IFNA10: variants seen among roughly 807,000 people sequenced by gnomAD.
IFNA10 encodes the protein interferon alpha 10.
For synonymous variants in IFNA10, 96 were observed against 83.7 expected, an observed-to-expected ratio of 1.15 and a Z score of -0.80; for missense variants, 246 against 213.0, an observed-to-expected ratio of 1.15 and a Z score of -0.96.
Position 21,206,653 on chromosome 9 carries a change from T to C in IFNA10, c.445A>G (p.Arg149Gly), listed in dbSNP as rs1005302711. 9 of 1,613,858 alleles carry C rather than the reference T, an allele frequency of 5.6e-6. No homozygotes were observed. Among genetic ancestry groups the C allele is most frequent in the Admixed American group, 1.7e-5 (1 of 59,976 alleles). ...SILAVRKYFQ[R>G]ITLYLIERKY... ...CTCTCTATTAGATAAAGAGTGATTC[T>C]TTGGAAGTATTTCCTCACAGCCAGG... is the stretch of plus-strand genomic sequence containing the variant. Residue 149 changes from arginine to glycine, a missense_variant, in exon 1 of 1, where the codon AGA becomes GGA. By Grantham distance (125) the Arg-to-Gly change is moderately radical. Coordinates refer to ENST00000357374, the MANE Select transcript of IFNA10 (RefSeq NM_002171.2).
At position 21,206,336 on chromosome 9, in the gene IFNA10, T is replaced by A. The variant is rs376010333; in HGVS notation, c.*192A>T. On this transcript the variant is annotated 3_prime_UTR_variant, in exon 1 of 1. Coordinates refer to ENST00000357374, the MANE Select transcript of IFNA10 (RefSeq NM_002171.2). ...TTTAAACAAAAGATGAACAGAGACA[T>A]CAGAATGGTCATCTGTAAAGGACTA... 41 of 672,004 alleles carry A rather than the reference T, an allele frequency of 6.1e-5. No individual in the cohort carries two copies. Among genetic ancestry groups the A allele is most frequent in the Non-Finnish European group, 1.9e-5 (8 of 429,400 alleles). The allele number at this position is 672,004 out of a possible 1,614,324, so 41.6% of individuals were successfully genotyped here. A position where few individuals can be genotyped will look rare whatever the true frequency, so the allele number is the denominator to read the frequency against.
Position 21,207,005 on chromosome 9 carries a change from G to T in IFNA10, c.93C>A (p.Ser31Arg), listed in dbSNP as rs769868063. 4 of 1,613,272 alleles carry T rather than the reference G, an allele frequency of 2.5e-6. No individual in the cohort carries two copies. Among genetic ancestry groups the T allele is most frequent in the South Asian group, 1.1e-5 (1 of 91,054 alleles). ...SLGCDLPQTHSLGNRRALILL... is the reference protein window; with the variant it reads ...SLGCDLPQTHRLGNRRALILL... ...GTATCAAGGCCCTCCTATTACCCAG[G>T]CTGTGGGTCTGAGGCAGATCACAGC... Residue 31 changes from serine (S) to arginine (R), a missense_variant, in exon 1 of 1, where the codon AGC becomes AGA. Coordinates refer to ENST00000357374, the MANE Select transcript of IFNA10 (RefSeq NM_002171.2).
rs574441125 is a variant in IFNA10, at chr9:21,206,377, T to A, written c.*151A>T. ...TAAAGGACTAGTGCCTGCACAGGTA[T>A]ACACGACACTTCTTTACACTGCTGA... On this transcript the variant is annotated 3_prime_UTR_variant, in exon 1 of 1. Transcript: ENST00000357374. 1.6e-6 allele frequency: 2 copies of A among 1,260,330 alleles called. No homozygotes were observed. Among genetic ancestry groups the A allele is most frequent in the East Asian group, 4.8e-5 (2 of 41,992 alleles). 78.1% of individuals were successfully genotyped at this position (1,260,330 alleles called of 1,614,324 possible).
In IFNA10 at chr9:21,206,700, G is replaced by T. The variant is rs369916950; in HGVS notation, c.398C>A (p.Pro133His). The change falls in exon 1 of 1, where the codon CCC (proline) becomes CAC (histidine). Residue 133 changes from proline (P) to histidine (H), a missense_variant. By Grantham distance (77) the Pro-to-His change is moderately conservative. Coordinates refer to ENST00000357374, the MANE Select transcript of IFNA10 (RefSeq NM_002171.2). ...VIQEVGVEET[P>H]LMNEDSILAV... ...CAGGATGGAGTCCTCATTCATCAGGGGAGTCTCTTCCACCCCAACCTCCTG... is the reference window on the plus strand; with the variant it reads ...CAGGATGGAGTCCTCATTCATCAGGTGAGTCTCTTCCACCCCAACCTCCTG... The T allele has an allele frequency of 1.6e-4, 265 of 1,613,558 alleles. No individual in the cohort carries two copies. The highest frequency in any genetic ancestry group is 2.1e-4 in the Non-Finnish European group (252 of 1,179,978).
chr9:21,206,670 A>T lies in IFNA10; in HGVS notation c.428T>A (p.Val143Glu), dbSNP rs1563811892. The T allele has an allele frequency of 6.2e-7, 1 of 1,613,896 alleles. No individual in the cohort carries two copies. Among genetic ancestry groups the T allele is most frequent in the East Asian group, 2.2e-5 (1 of 44,872 alleles). Residue 143 changes from valine (V) to glutamate (E), a missense_variant, in exon 1 of 1, where the codon GTG (valine) becomes GAG (glutamate). Transcript: ENST00000357374. The stretch of plus-strand genomic sequence containing the variant: ...AGTGATTCTTTGGAAGTATTTCCTC[A>T]CAGCCAGGATGGAGTCCTCATTCAT... Reference protein sequence around the residue: ...PLMNEDSILAVRKYFQRITLY... With the variant: ...PLMNEDSILAERKYFQRITLY...
Position 21,206,955 on chromosome 9 carries a change from G to A in IFNA10, c.143C>T (p.Ser48Phe), listed in dbSNP as rs746398984. 1 of 1,613,782 alleles carries A rather than the reference G, an allele frequency of 6.2e-7. No homozygotes were observed. Among genetic ancestry groups the A allele is most frequent in the Non-Finnish European group, 8.5e-7 (1 of 1,180,014 alleles). ...TCTGTCCTTCAGGCAGGAGAAAGGA[G>A]AGATTCTTCCCATTTGTCCCAGGAG... The part of the protein sequence containing the change: ...LILLGQMGRI[S>F]PFSCLKDRHD... The change falls in exon 1 of 1, where the codon TCT (serine) becomes TTT (phenylalanine). Residue 48 changes from serine to phenylalanine, a missense_variant. By Grantham distance (155) the Ser-to-Phe change is radical (BLOSUM62 -2). Transcript: ENST00000357374.
chr9:21,206,910 T>C lies in IFNA10; in HGVS notation c.188A>G (p.Gln63Arg). 1 of 1,613,850 alleles carries C rather than the reference T, an allele frequency of 6.2e-7. No individual in the cohort carries two copies. Among genetic ancestry groups the C allele is most frequent in the Non-Finnish European group, 8.5e-7 (1 of 1,179,956 alleles). Reference sequence around the variant, plus strand: ...GAACTGGTTGCCATCAAACTCCTCCTGGGGGATTCGGAAATCATGTCTGTC... The same window carrying C: ...GAACTGGTTGCCATCAAACTCCTCCCGGGGGATTCGGAAATCATGTCTGTC... ...LKDRHDFRIP[Q>R]EEFDGNQFQK... The change falls in exon 1 of 1, where the codon CAG becomes CGG. Residue 63 changes from glutamine (Q) to arginine (R), a missense_variant. By Grantham distance (43) the Gln-to-Arg change is conservative. Transcript: ENST00000357374.
At position 21,206,322 on chromosome 9, in the gene IFNA10, G is replaced by C. The variant is rs1818268089; in HGVS notation, c.*206C>G. ...TAATTAAATAAATATTTAAACAAAA[G>C]ATGAACAGAGACATCAGAATGGTCA... On this transcript the variant is annotated 3_prime_UTR_variant, in exon 1 of 1. Coordinates refer to ENST00000357374, the MANE Select transcript of IFNA10 (RefSeq NM_002171.2). The C allele has an allele frequency of 1.8e-6, 1 of 545,890 alleles. No homozygotes were observed. The highest frequency in any genetic ancestry group is 3.0e-6 in the Non-Finnish European group (1 of 338,120). 33.8% of individuals were successfully genotyped at this position (545,890 alleles called of 1,614,324 possible).
Position 21,206,623 on chromosome 9 carries a change from A to C in IFNA10, c.475T>G (p.Tyr159Asp). The C allele has an allele frequency of 6.2e-7, 1 of 1,613,932 alleles. No individual in the cohort carries two copies. The highest frequency in any genetic ancestry group is 8.5e-7 in the Non-Finnish European group (1 of 1,180,004). ...ACAACCTCCCAGGCACAAGGGCTGT[A>C]TTTCCTCTCTATTAGATAAAGAGTG... ...RITLYLIERK[Y>D]SPCAWEVVRA... Residue 159 changes from tyrosine (Y) to aspartate (D), a missense_variant, in exon 1 of 1, where the codon TAC becomes GAC. Transcript: ENST00000357374.
In IFNA10 at chr9:21,206,599, C is replaced by A; in HGVS notation, c.499G>T (p.Val167Phe). 6.2e-7 allele frequency: 1 copy of A among 1,613,920 alleles called. No homozygotes were observed. Among genetic ancestry groups the A allele is most frequent in the Non-Finnish European group, 8.5e-7 (1 of 1,180,002 alleles). ...AGGGATCTCATGATTTCTGCTCTGACAACCTCCCAGGCACAAGGGCTGTAT... is the reference window on the plus strand; with the variant it reads ...AGGGATCTCATGATTTCTGCTCTGAAAACCTCCCAGGCACAAGGGCTGTAT... ...RKYSPCAWEV[V>F]RAEIMRSLSF... The change falls in exon 1 of 1, where the codon GTC (valine) becomes TTC (phenylalanine). Residue 167 changes from valine (V) to phenylalanine (F), a missense_variant. Physicochemically the swap from Val to Phe is conservative, Grantham distance 50. Transcript: ENST00000357374.
chr9:21,206,708 T>C lies in IFNA10; in HGVS notation c.390A>G (p.Glu130=), dbSNP rs781041151. 6.2e-7 allele frequency: 1 copy of C among 1,613,624 alleles called. No homozygotes were observed. The highest frequency in any genetic ancestry group is 1.7e-5 in the Admixed American group (1 of 59,958). ...EACVIQEVGV[E]ETPLMNEDSI... is the part of the protein sequence containing the mutation. ...AGTCCTCATTCATCAGGGGAGTCTCTTCCACCCCAACCTCCTGTATCACAC... is the reference window on the plus strand; with the variant it reads ...AGTCCTCATTCATCAGGGGAGTCTCCTCCACCCCAACCTCCTGTATCACAC... The change falls in exon 1 of 1, where the codon GAA becomes GAG. Residue 130 remains glutamate (E), a synonymous_variant. Coordinates refer to ENST00000357374, the MANE Select transcript of IFNA10 (RefSeq NM_002171.2).
chr9:21,206,196 A>G lies in IFNA10; in HGVS notation c.*332T>C, dbSNP rs1818265892. ...AAGAAATTTTGTATAGTAAAAATTT[A>G]ATGAAAAAGGAAATTAATATATTGG... On this transcript the variant is annotated 3_prime_UTR_variant, in exon 1 of 1. Transcript: ENST00000357374. The G allele has an allele frequency of 5.9e-6, 1 of 168,950 alleles. No individual in the cohort carries two copies. The highest frequency in any genetic ancestry group is 2.0e-4 in the South Asian group (1 of 4,996). The allele number at this position is 168,950 out of a possible 1,614,324, so 10.5% of individuals were successfully genotyped here.
Position 21,207,069 on chromosome 9 carries a change from G to C in IFNA10, c.29C>G (p.Ala10Gly), listed in dbSNP as rs780181241. 5 of 1,610,132 alleles carry C rather than the reference G, an allele frequency of 3.1e-6. No homozygotes were observed. Among genetic ancestry groups the C allele is most frequent in the Non-Finnish European group, 4.2e-6 (5 of 1,178,644 alleles). The change falls in exon 1 of 1, where the codon GCC becomes GGC. Residue 10 changes from alanine (A) to glycine (G), a missense_variant. Physicochemically the swap from Ala to Gly is moderately conservative, Grantham distance 60 (BLOSUM62 0). Coordinates refer to ENST00000357374, the MANE Select transcript of IFNA10 (RefSeq NM_002171.2). ...GGATTTGTAGCTGAGCACCAGCACG[G>C]CCATAAGTAAAGAAAAGGACAGGGC... The part of the protein sequence containing the change: MALSFSLLM[A>G]VLVLSYKSIC...
Position 21,206,698 on chromosome 9 carries a change from G to C in IFNA10, c.400C>G (p.Leu134Val). 6.2e-7 allele frequency: 1 copy of C among 1,613,754 alleles called. No individual in the cohort carries two copies. Among genetic ancestry groups the C allele is most frequent in the Non-Finnish European group, 8.5e-7 (1 of 1,179,958 alleles). The change falls in exon 1 of 1, where the codon CTG becomes GTG. Residue 134 changes from leucine to valine, a missense_variant. Leu to Val is a conservative substitution (Grantham distance 32). Coordinates refer to ENST00000357374, the MANE Select transcript of IFNA10 (RefSeq NM_002171.2). Reference sequence around the variant, plus strand: ...GCCAGGATGGAGTCCTCATTCATCAGGGGAGTCTCTTCCACCCCAACCTCC... The same window carrying C: ...GCCAGGATGGAGTCCTCATTCATCACGGGAGTCTCTTCCACCCCAACCTCC... ...IQEVGVEETPLMNEDSILAVR... is the reference protein window; with the variant it reads ...IQEVGVEETPVMNEDSILAVR...
In IFNA10 at chr9:21,206,337, C is replaced by T. The variant is rs1218303997; in HGVS notation, c.*191G>A. On this transcript the variant is annotated 3_prime_UTR_variant, in exon 1 of 1. Coordinates refer to ENST00000357374, the MANE Select transcript of IFNA10 (RefSeq NM_002171.2). ...TTAAACAAAAGATGAACAGAGACAT[C>T]AGAATGGTCATCTGTAAAGGACTAG... 42 of 674,980 alleles carry T rather than the reference C, an allele frequency of 6.2e-5. No individual in the cohort carries two copies. Among genetic ancestry groups the T allele is most frequent in the Non-Finnish European group, 2.1e-5 (9 of 432,496 alleles). 41.8% of individuals were successfully genotyped at this position (674,980 alleles called of 1,614,324 possible).
rs1373248838 is a variant in IFNA10, at chr9:21,206,424, C to A, written c.*104G>T. On this transcript the variant is annotated 3_prime_UTR_variant, in exon 1 of 1. Coordinates refer to ENST00000357374, the MANE Select transcript of IFNA10 (RefSeq NM_002171.2). ...CTGAAAACATTTGAAAATTTTGATT[C>A]AACGCGTCGTGGTTATAGAAGTGAG... The A allele has an allele frequency of 1.3e-5, 20 of 1,558,348 alleles. No homozygotes were observed. Among genetic ancestry groups the A allele is most frequent in the Non-Finnish European group, 1.7e-5 (20 of 1,155,962 alleles).
At position 21,206,707 on chromosome 9, in the gene IFNA10, C is replaced by G. The variant is rs757218236; in HGVS notation, c.391G>C (p.Glu131Gln). The G allele has an allele frequency of 3.7e-6, 6 of 1,613,568 alleles. No homozygotes were observed. The East Asian group carries it at 1.1e-4, about 30-fold the overall frequency. Reference protein sequence around the residue: ...ACVIQEVGVEETPLMNEDSIL... With the variant: ...ACVIQEVGVEQTPLMNEDSIL... ...GAGTCCTCATTCATCAGGGGAGTCT[C>G]TTCCACCCCAACCTCCTGTATCACA... is the stretch of plus-strand genomic sequence containing the variant. Residue 131 changes from glutamate to glutamine, a missense_variant, in exon 1 of 1, where the codon GAG becomes CAG. Physicochemically the swap from Glu to Gln is conservative, Grantham distance 29. Coordinates refer to ENST00000357374, the MANE Select transcript of IFNA10 (RefSeq NM_002171.2).
At position 21,206,252 on chromosome 9, in the gene IFNA10, A is replaced by C. The variant is rs1051952535; in HGVS notation, c.*276T>G. ...TATGAAGAACATATATTGTTACATT[A>C]ACCACAATGTAAAGCGACTCATGAT... On this transcript the variant is annotated 3_prime_UTR_variant, in exon 1 of 1. Transcript: ENST00000357374. 50 of 260,396 alleles carry C rather than the reference A, an allele frequency of 1.9e-4. No homozygotes were observed. Among genetic ancestry groups the C allele is most frequent in the Admixed American group, 5.7e-4 (11 of 19,404 alleles). 16.1% of individuals were successfully genotyped at this position (260,396 alleles called of 1,614,324 possible). A position where few individuals can be genotyped will look rare whatever the true frequency, so the allele number is the denominator to read the frequency against.
Position 21,206,389 on chromosome 9 carries a change from C to T in IFNA10, c.*139G>A, listed in dbSNP as rs1488264983. 4 of 1,428,522 alleles carry T rather than the reference C, an allele frequency of 2.8e-6. No homozygotes were observed. The East Asian group carries it at 6.9e-5, about 25-fold the overall frequency. 88.5% of individuals were successfully genotyped at this position (1,428,522 alleles called of 1,614,324 possible). On this transcript the variant is annotated 3_prime_UTR_variant, in exon 1 of 1. Transcript: ENST00000357374. ...GCCTGCACAGGTATACACGACACTT[C>T]TTTACACTGCTGAAAACATTTGAAA...
Sources: allele counts gnomAD v4.1 joint callset, GRCh38; gene constraint gnomAD v4.1.1; transcripts MANE v1.5; gene names NCBI Gene and HGNC (gene_info 2026-07-23, HGNC 2026-07-21).